Variants in PAPPA2 observed in about 807,000 individuals in gnomAD.
PAPPA2 encodes pappalysin-2.
Under a neutral mutation model 176.4 loss-of-function variants are expected in PAPPA2, and 86 were observed. The observed-to-expected ratio is 0.49, with a 90% CI of 0.41 to 0.58. PAPPA2 has a LOEUF of 0.58. PAPPA2 is among the 20% of genes least tolerant of loss of function. The probability of loss-of-function intolerance (pLI) is 0.00; values close to 1 mark genes in which losing one functional copy is unlikely to be tolerated. For missense variants in PAPPA2, 2,073 were observed against 2,256.9 expected (o/e 0.92, Z 1.65); for synonymous variants, 809 against 852.2 (o/e 0.95, Z 0.88).
At chr1:176,747,570 C>G (rs10798480) in intron 14 of PAPPA2, among the ~76,000 whole-genome samples, 59,242 of 152,064 alleles carry the variant, frequency 0.39, 12,262 homozygotes, top group Middle Eastern at 0.54. Context: ...ATATTCTACT[C>G]TCTCTGAGAT....
At chr1:176,521,114 CAGAGAGAG>C (rs61314398) in intron 1 of PAPPA2, among the ~76,000 whole-genome samples, 1 of 148,570 alleles carries the variant, frequency 6.7e-6, no homozygotes, top group African/African-American at 2.5e-5. Context: ...GAGACAGAGA[CAGAGAGAG>C]AGAGAGAGAG....
At chr1:176,467,869 G>C (rs879675661) in intron 1 of PAPPA2, among the ~76,000 whole-genome samples, 1 of 152,176 alleles carries the variant, frequency 6.6e-6, no homozygotes, top group Non-Finnish European at 1.5e-5. Flanking sequence ...CAGGAACTGT[G>C]TTAGGTGCTG....
intron 3 of PAPPA2, among the ~76,000 whole-genome samples, chr1:176,631,658 G>A (rs939579110): frequency 6.6e-6 from 1 of 152,128 alleles, no homozygotes; most frequent in Non-Finnish European, 1.5e-5. Context: ...TAAATCATTG[G>A]CAAACTTCAT....
At position 176,793,594 on chromosome 1, in the gene PAPPA2, C is replaced by G; in HGVS notation, c.5055C>G (p.Pro1685=). ...GTTCCCCATTGTGTGTAATCCCCCC[C>G]AGTGACCCCGTGATGCTACCTGAGA... ...AVCSPLCVIP[P]SDPVMLPENI... is the part of the protein sequence containing the mutation. Residue 1685 remains proline, a synonymous_variant, in exon 20 of 23, where the codon CCC becomes CCG. Coordinates refer to ENST00000367662, the MANE Select transcript of PAPPA2 (RefSeq NM_020318.3). 6.2e-7 allele frequency: 1 copy of G among 1,613,190 alleles called. No homozygotes were observed. The highest frequency in any genetic ancestry group is 8.5e-7 in the Non-Finnish European group (1 of 1,179,372).
intron 17 of PAPPA2, among the ~76,000 whole-genome samples, chr1:176,778,304 AAG>A (rs1315759505): frequency 2.6e-5 from 4 of 152,302 alleles, no homozygotes; most frequent in Admixed American, 6.5e-5. Context: ...AAATAGGGGA[AAG>A]AGGGGGAAAA....
At position 176,528,225 on chromosome 1, in the gene PAPPA2, G is replaced by T. The variant is rs1649602721; in HGVS notation, c.-916-27182G>T. Among the ~76,000 whole-genome samples, 5 of 152,294 alleles carry T rather than the reference G, an allele frequency of 3.3e-5. No homozygotes were observed. The South Asian group carries it at 1.0e-3, about 32-fold the overall frequency. ...GAACTCAAGTGGTCCAAGATAGACT[G>T]AAGAGCAGAAGCCCTTCCTCATAGT... On this transcript the variant is annotated intron_variant, in intron 1 of 22. Coordinates refer to ENST00000367662, the MANE Select transcript of PAPPA2 (RefSeq NM_020318.3).
At chr1:176,517,420 C>T (rs1362821852) in intron 1 of PAPPA2, among the ~76,000 whole-genome samples, 1 of 152,152 alleles carries the variant, frequency 6.6e-6, no homozygotes, top group African/African-American at 2.4e-5. Context: ...ACGTCAATGT[C>T]TTTTAATAAA....
At position 176,555,925 on chromosome 1, in the gene PAPPA2, C is replaced by G. The variant is rs1443223946; in HGVS notation, c.-398C>G. The G allele has an allele frequency of 5.5e-6, 1 of 180,736 alleles. No homozygotes were observed. The highest frequency in any genetic ancestry group is 1.5e-4 in the East Asian group (1 of 6,574). 11.2% of individuals were successfully genotyped at this position (180,736 alleles called of 1,614,324 possible). The stretch of plus-strand genomic sequence containing the variant: ...AGAGACTTGGCTCATGCCTGTGGGT[C>G]TTCTCTTCTAGTATCAGTGAGGGGA... On this transcript the variant is annotated 5_prime_UTR_variant, in exon 2 of 23. Transcript: ENST00000367662.
chr1:176,557,279 G>T (rs1411249818), intron 2 of PAPPA2, 38 bp downstream of exon 2: 2 of 1,522,024 alleles, frequency 1.3e-6, no homozygotes, highest in East Asian at 2.5e-5. Context: ...AATCCTGAGG[G>T]TATGGCTGGC....
intron 3 of PAPPA2, among the ~76,000 whole-genome samples, chr1:176,620,215 C>A (rs986263543): frequency 2.0e-5 from 3 of 152,112 alleles, no homozygotes; most frequent in Admixed American, 6.6e-5. Context: ...GATCTAATCA[C>A]CTTCCAAAGT....
intron 3 of PAPPA2, among the ~76,000 whole-genome samples, chr1:176,626,193 A>T (rs1656001849): frequency 1.3e-5 from 2 of 151,484 alleles, no homozygotes; most frequent in East Asian, 1.9e-4. Context: ...GTCTGATTTC[A>T]CTCCTTCTCT....
At chr1:176,704,095 AG>A (rs1485325269) in intron 9 of PAPPA2, among the ~76,000 whole-genome samples, 2 of 152,110 alleles carry the variant, frequency 1.3e-5, no homozygotes, top group Non-Finnish European at 2.9e-5. Flanking sequence ...GCCACCCTGC[AG>A]CCCCAGGGTG....
rs1462372591 is a variant in PAPPA2 at position 176,692,001 on chromosome 1, A to G, written c.2432-125A>G. ...GATTGCATTTGTTCATTCATTCAAC[A>G]AGTAAGTGCTCATTGAGCCTAATAA... On this transcript the variant is annotated intron_variant, in intron 5 of 22. Transcript: ENST00000367662. The G allele has an allele frequency of 8.1e-6, 7 of 864,846 alleles. No homozygotes were observed. In the Admixed American group the frequency reaches 1.8e-4, roughly 22 times the overall value. 53.6% of individuals were successfully genotyped at this position (864,846 alleles called of 1,614,324 possible).
chr1:176,539,518 T>G (rs1650256110), intron 1 of PAPPA2, among the ~76,000 whole-genome samples: 1 of 152,168 alleles, frequency 6.6e-6, no homozygotes, highest in Non-Finnish European at 1.5e-5. Flanking sequence ...TAAGGGAAGG[T>G]CTACCCCATT....
chr1:176,719,570 T>A (rs1484564979), intron 12 of PAPPA2, among the ~76,000 whole-genome samples: 1 of 152,170 alleles, frequency 6.6e-6, no homozygotes, highest in Non-Finnish European at 1.5e-5. Context: ...TTTCTTGACA[T>A]CACTTCTGGG....
chr1:176,552,096 C>T (rs770727120), intron 1 of PAPPA2, among the ~76,000 whole-genome samples: 5 of 152,098 alleles, frequency 3.3e-5, no homozygotes, highest in Admixed American at 1.3e-4. Context: ...AGTGTCTCCT[C>T]CCTTCACCTG....
At chr1:176,842,219 A>G (rs1249314085) in intron 22 of PAPPA2, among the ~76,000 whole-genome samples, 161 bp from the exon 23 acceptor site, 1 of 152,208 alleles carries the variant, frequency 6.6e-6, no homozygotes, top group Non-Finnish European at 1.5e-5. Context: ...ACATGGTGAC[A>G]TGATGTGTGA....
intron 17 of PAPPA2, among the ~76,000 whole-genome samples, chr1:176,785,965 A>G (rs543146848): frequency 6.6e-6 from 1 of 152,264 alleles, no homozygotes; most frequent in South Asian, 2.1e-4. Flanking sequence ...TCATGCTGAC[A>G]TGCAAAGTTT....
chr1:176,597,875 T>C (rs1271721499), intron 3 of PAPPA2, among the ~76,000 whole-genome samples: 2 of 152,166 alleles, frequency 1.3e-5, no homozygotes, highest in African/African-American at 4.8e-5. Context: ...TCTTTCAAGG[T>C]ATCCAGGTAT....
Sources: allele counts gnomAD v4.1 joint callset (sites outside exome capture counted in the v4.1 genomes callset), GRCh38; gene constraint gnomAD v4.1.1; transcripts MANE v1.5; gene names NCBI Gene and HGNC (gene_info 2026-07-23, HGNC 2026-07-21).